The following ATL1 variants were observed in gnomAD, a reference collection of about 807,000 sequenced individuals.
ATL1 encodes atlastin-1.
A neutral mutation model predicts 75.5 loss-of-function variants in ATL1; 31 were observed. The ratio of observed to expected loss-of-function variants is 0.41; its 90% CI spans 0.31 to 0.55. The LOEUF (loss-of-function observed/expected upper bound fraction) is 0.55, where lower values mean the gene tolerates loss of function less well. Ranked by LOEUF, ATL1 falls within the 20% of genes least tolerant of loss-of-function variation. ATL1 has a pLI of 0.27. For synonymous variants in ATL1, 226 were observed against 233.3 expected, an observed-to-expected ratio of 0.97 and a Z score of 0.28; for missense variants, 405 against 662.6, an observed-to-expected ratio of 0.61 and a Z score of 4.27.
At chr14:50,548,851 C>T (rs542328479) in intron 1 of ATL1, among the ~76,000 whole-genome samples, 1 of 152,084 alleles carries the variant, frequency 6.6e-6, no homozygotes, top group Non-Finnish European at 1.5e-5. Context: ...ACTATACAGT[C>T]CTAGAGCAAC....
chr14:50,540,762 G>A (rs2038550784), intron 1 of ATL1, among the ~76,000 whole-genome samples: 1 of 152,112 alleles, frequency 6.6e-6, no homozygotes, highest in Non-Finnish European at 1.5e-5. Context: ...TCCTACATTA[G>A]GTTTCTAGGG....
intron 5 of ATL1, among the ~76,000 whole-genome samples, chr14:50,595,136 G>A (rs769762934): frequency 2.0e-4 from 31 of 151,768 alleles, no homozygotes; most frequent in Non-Finnish European, 3.5e-4. Context: ...ATTTCCTTAG[G>A]CAACAGCTTT....
At chr14:50,560,474 C>G in intron 1 of ATL1, 175 bp downstream of exon 1, 3 of 826,788 alleles carry the variant, frequency 3.6e-6, no homozygotes, top group South Asian at 1.7e-5. Context: ...CCGAGCGGTA[C>G]CCGCGTCACC....
At chr14:50,560,026 G>A, upstream of ATL1, 2 of 582,910 alleles carry the variant, frequency 3.4e-6, no homozygotes, top group Non-Finnish European at 6.2e-6. Flanking sequence ...GACTGAGGTA[G>A]GGAGGGTGTG....
At chr14:50,573,310 A>G (rs941436418) in intron 1 of ATL1, among the ~76,000 whole-genome samples, 11 of 152,192 alleles carry the variant, frequency 7.2e-5, no homozygotes, top group Admixed American at 7.2e-4. Flanking sequence ...TATATTTTGT[A>G]TCGCACCACT....
intron 10 of ATL1, 107 bp from the exon 11 acceptor site, chr14:50,623,070 G>A: frequency 1.2e-6 from 1 of 854,968 alleles, no homozygotes; most frequent in South Asian, 1.5e-5. Context: ...TGAGGACTTT[G>A]GTTTCTTGCA....
intron 11 of ATL1, among the ~76,000 whole-genome samples, chr14:50,626,682 T>C (rs909535319): frequency 1.1e-4 from 16 of 152,206 alleles, no homozygotes; most frequent in Admixed American, 1.0e-3. Flanking sequence ...AATTGATACA[T>C]CCATATAATG....
Position 50,620,689 on chromosome 14 carries a change from A to G in ATL1, c.953A>G (p.Asn318Ser). The G allele has an allele frequency of 6.2e-7, 1 of 1,613,796 alleles. No individual in the cohort carries two copies. The highest frequency in any genetic ancestry group is 8.5e-7 in the Non-Finnish European group (1 of 1,179,758). Residue 318 changes from asparagine (N) to serine (S), a missense_variant, in exon 9 of 14, where the codon AAT (asparagine) becomes AGT (serine). Asn to Ser is a conservative substitution (Grantham distance 46). Transcript: ENST00000358385. ...ESLDIKEING[N>S]KITCRGLVEY... is the part of the protein sequence containing the mutation. The stretch of plus-strand genomic sequence containing the variant: ...CTAGATATTAAAGAGATCAATGGGA[A>G]TAAAATCACCTGCCGGGGTCTGGTG...
intron 11 of ATL1, among the ~76,000 whole-genome samples, chr14:50,623,808 T>A (rs988125108): frequency 6.6e-6 from 1 of 152,150 alleles, no homozygotes; most frequent in South Asian, 2.1e-4. Flanking sequence ...CCCAGCACTT[T>A]GGGAGGCCGA....
intron 11 of ATL1, among the ~76,000 whole-genome samples, chr14:50,625,481 A>G (rs1379476918): frequency 6.6e-6 from 1 of 152,360 alleles, no homozygotes; most frequent in South Asian, 2.1e-4. Flanking sequence ...CTATTGGAAG[A>G]TGCCATCCAG....
At chr14:50,542,177 T>G (rs1325610679) in intron 1 of ATL1, among the ~76,000 whole-genome samples, 1 of 151,356 alleles carries the variant, frequency 6.6e-6, no homozygotes, top group African/African-American at 2.4e-5. Context: ...TAACTGCTCT[T>G]TAGAAATTGG....
intron 11 of ATL1, among the ~76,000 whole-genome samples, chr14:50,623,783 G>A (rs867815238): frequency 7.2e-5 from 11 of 152,236 alleles, no homozygotes; most frequent in African/African-American, 2.6e-4. Flanking sequence ...GGGTGCGGTG[G>A]CTCATGCCTG....
At chr14:50,591,817 G>C (rs992098994) in intron 4 of ATL1, 178 bp downstream of exon 4, 7 of 568,028 alleles carry the variant, frequency 1.2e-5, no homozygotes, top group Middle Eastern at 4.2e-4. Flanking sequence ...TTTTGTTACT[G>C]TAGTTTAATT....
In ATL1 at chr14:50,628,449, C is replaced by T. The variant is rs746525706; in HGVS notation, c.1538C>T (p.Ala513Val). 6.2e-7 allele frequency: 1 copy of T among 1,614,016 alleles called. No individual in the cohort carries two copies. Among genetic ancestry groups the T allele is most frequent in the South Asian group, 1.1e-5 (1 of 91,036 alleles). ...LGAVIDQVAAALWDQGSTNEA... is the reference protein window; with the variant it reads ...LGAVIDQVAAVLWDQGSTNEA... Reference sequence around the variant, plus strand: ...GCTGTAATAGACCAGGTGGCTGCAGCTCTGTGGGACCAGGTAAGAACACCT... The same window carrying T: ...GCTGTAATAGACCAGGTGGCTGCAGTTCTGTGGGACCAGGTAAGAACACCT... Residue 513 changes from alanine to valine, a missense_variant, in exon 12 of 14, where the codon GCT becomes GTT. Physicochemically the swap from Ala to Val is moderately conservative, Grantham distance 64 (BLOSUM62 0). Transcript: ENST00000358385.
upstream of ATL1, among the ~76,000 whole-genome samples, chr14:50,555,262 TTTTTG>T (rs141877825): frequency 6.6e-6 from 1 of 151,326 alleles, no homozygotes; most frequent in African/African-American, 2.4e-5. Flanking sequence ...AGTTCCTTCA[TTTTTG>T]TTTTGTTTTG....
chr14:50,598,077 A>G (rs763650315), intron 6 of ATL1, among the ~76,000 whole-genome samples: 23 of 152,200 alleles, frequency 1.5e-4, no homozygotes, highest in Non-Finnish European at 2.4e-4. Context: ...GCAAAACAAA[A>G]CAAAAATCTT....
At chr14:50,632,049 A>C (rs2039586508) in intron 13 of ATL1, 180 bp from the exon 14 acceptor site, 1 of 483,198 alleles carries the variant, frequency 2.1e-6, no homozygotes, top group Non-Finnish European at 3.8e-6. Context: ...AAAAGTGTTA[A>C]TGCACACATT....
chr14:50,619,192 AC>A (rs2039443349), intron 8 of ATL1, among the ~76,000 whole-genome samples: 1 of 152,220 alleles, frequency 6.6e-6, no homozygotes, highest in Non-Finnish European at 1.5e-5. Flanking sequence ...AGCTGGGACT[AC>A]AGGCATATGC....
rs903074809 is a variant in ATL1 at position 50,632,785 on chromosome 14, T to A, written c.*446T>A. The A allele has an allele frequency of 6.0e-6, 1 of 166,292 alleles. No homozygotes were observed. Among genetic ancestry groups the A allele is most frequent in the East Asian group, 1.6e-4 (1 of 6,216 alleles). 10.3% of individuals were successfully genotyped at this position (166,292 alleles called of 1,614,324 possible). On this transcript the variant is annotated 3_prime_UTR_variant, in exon 14 of 14. Transcript: ENST00000358385. ...AGCAGGCTGGATTTAATCTGTATCA[T>A]CTTATATATATCACAATCTTATTTT... is the stretch of plus-strand genomic sequence containing the variant.
Sources: allele counts gnomAD v4.1 joint callset (sites outside exome capture counted in the v4.1 genomes callset), GRCh38; gene constraint gnomAD v4.1.1; transcripts MANE v1.5; gene names NCBI Gene and HGNC (gene_info 2026-07-23, HGNC 2026-07-21).